NOL4: variants seen among roughly 807,000 people sequenced by gnomAD.
NOL4 encodes the protein nucleolar protein 4.
Under a neutral mutation model 75.9 loss-of-function variants are expected in NOL4, and 17 were observed. The observed-to-expected ratio is 0.22, with a 90% CI of 0.15 to 0.34. The LOEUF is 0.34. Ranked by LOEUF, NOL4 falls within the 10% of genes least tolerant of loss-of-function variation. The probability of loss-of-function intolerance (pLI) is 1.00; values close to 1 mark genes in which losing one functional copy is unlikely to be tolerated. For missense variants in NOL4, 614 were observed against 793.5 expected, an observed-to-expected ratio of 0.77 and a Z score of 2.72; for synonymous variants, 292 against 289.9, an observed-to-expected ratio of 1.01 and a Z score of -0.07.
chr18:34,149,211 T>C (rs1170891089), intron 1 of NOL4, among the ~76,000 whole-genome samples: 1 of 151,630 alleles, frequency 6.6e-6, no homozygotes, highest in East Asian at 1.9e-4. Flanking sequence ...GACATGCTAA[T>C]ATTCATAGTG....
chr18:34,180,582 T>C (rs2033953426), intron 1 of NOL4, among the ~76,000 whole-genome samples: 1 of 151,386 alleles, frequency 6.6e-6, no homozygotes, highest in African/African-American at 2.4e-5. Flanking sequence ...TTCTGTCACT[T>C]CTATTCAACA....
intron 9 of NOL4, among the ~76,000 whole-genome samples, chr18:33,888,168 C>G (rs2064875984): frequency 6.6e-6 from 1 of 152,170 alleles, no homozygotes; most frequent in Non-Finnish European, 1.5e-5. Flanking sequence ...CTCTGATGAC[C>G]AGTGATGGAT....
intron 6 of NOL4, among the ~76,000 whole-genome samples, chr18:33,995,650 T>C (rs977292264): frequency 6.6e-6 from 1 of 151,882 alleles, no homozygotes; most frequent in African/African-American, 2.4e-5. Flanking sequence ...CATCAAAGTA[T>C]TTTCTAACTT....
intron 1 of NOL4, chr18:34,156,489 A>C (rs1276321185): frequency 6.6e-6 from 1 of 152,148 alleles, no homozygotes; most frequent in East Asian, 1.9e-4. Context: ...CATTCAGTTA[A>C]GGTTCTAAAA....
At chr18:34,141,785 T>A (rs1375925107) in intron 1 of NOL4, among the ~76,000 whole-genome samples, 2 of 152,194 alleles carry the variant, frequency 1.3e-5, no homozygotes, top group Non-Finnish European at 2.9e-5. Context: ...AAGGACTTCA[T>A]GTCTAAAACA....
At chr18:33,967,484 T>G (rs1037039165) in intron 6 of NOL4, among the ~76,000 whole-genome samples, 2 of 152,028 alleles carry the variant, frequency 1.3e-5, no homozygotes, top group South Asian at 4.1e-4. Context: ...CCAAATAAAC[T>G]AAAGAGCTTC....
intron 1 of NOL4, among the ~76,000 whole-genome samples, chr18:34,135,595 G>C (rs1051488154): frequency 6.6e-6 from 1 of 150,526 alleles, no homozygotes; most frequent in African/African-American, 2.4e-5. Flanking sequence ...TACTTGGGAG[G>C]CTGAGGCAGG....
chr18:34,115,877 A>C (rs12959686), intron 2 of NOL4, among the ~76,000 whole-genome samples: 33,493 of 151,990 alleles, frequency 0.22, 3,892 homozygotes, highest in Middle Eastern at 0.28. Context: ...CCATTTCAGA[A>C]TTATCTACGG....
intron 1 of NOL4, chr18:34,222,198 T>G: frequency 6.9e-7 from 1 of 1,451,722 alleles, no homozygotes; most frequent in South Asian, 1.4e-5. Flanking sequence ...GCGCCTGGGC[T>G]AGAGCTTTGT....
At chr18:34,086,776 G>A (rs896630722) in intron 5 of NOL4, among the ~76,000 whole-genome samples, 6 of 152,040 alleles carry the variant, frequency 3.9e-5, no homozygotes, top group African/African-American at 1.4e-4. Context: ...GTGTTCTAAA[G>A]TCCAGTGTGT....
At chr18:34,040,639 G>C (rs2076100608) in intron 5 of NOL4, among the ~76,000 whole-genome samples, 1 of 151,948 alleles carries the variant, frequency 6.6e-6, no homozygotes, top group Non-Finnish European at 1.5e-5. Context: ...GAGATAGTGT[G>C]TTAAGCCATA....
chr18:33,866,689 G>A (rs1167681006), intron 10 of NOL4, among the ~76,000 whole-genome samples: 1 of 152,104 alleles, frequency 6.6e-6, no homozygotes, highest in Non-Finnish European at 1.5e-5. Context: ...AGCAGTTTTA[G>A]AAATTTGTAA....
At chr18:34,110,369 G>C (rs1043493901) in intron 2 of NOL4, among the ~76,000 whole-genome samples, 4 of 151,986 alleles carry the variant, frequency 2.6e-5, no homozygotes, top group African/African-American at 9.7e-5. Context: ...AGGATGCAAG[G>C]ATGTTTCAAC....
At chr18:34,155,991 G>C (rs1227614328) in intron 1 of NOL4, among the ~76,000 whole-genome samples, 2 of 152,220 alleles carry the variant, frequency 1.3e-5, no homozygotes, top group African/African-American at 2.4e-5. Flanking sequence ...CCTATAGAAG[G>C]GTTTCCCCAA....
chr18:34,089,263 T>G (rs2078391400), intron 5 of NOL4, among the ~76,000 whole-genome samples: 1 of 152,080 alleles, frequency 6.6e-6, no homozygotes, highest in Non-Finnish European at 1.5e-5. Context: ...CTTAATCACT[T>G]AATGTTAAAA....
chr18:34,196,506 G>A (rs181771588), intron 1 of NOL4, among the ~76,000 whole-genome samples: 1 of 152,256 alleles, frequency 6.6e-6, no homozygotes, highest in East Asian at 1.9e-4. Context: ...TCTAAGTGAA[G>A]TTGACATTAC....
intron 5 of NOL4, among the ~76,000 whole-genome samples, chr18:34,042,083 A>G (rs2076166445): frequency 6.6e-6 from 1 of 152,002 alleles, no homozygotes; most frequent in Admixed American, 6.6e-5. Context: ...ATAAATACAA[A>G]GTTCTGAATA....
chr18:33,976,344 G>T (rs1285038461), intron 6 of NOL4, among the ~76,000 whole-genome samples: 2 of 151,964 alleles, frequency 1.3e-5, no homozygotes, highest in African/African-American at 4.8e-5. Flanking sequence ...TTTATTTGAA[G>T]CTATTACATA....
At chr18:34,006,745 A>G (rs1333228120) in intron 6 of NOL4, among the ~76,000 whole-genome samples, 1 of 152,024 alleles carries the variant, frequency 6.6e-6, no homozygotes, top group Non-Finnish European at 1.5e-5. Flanking sequence ...TGGTCTTACT[A>G]TGTTCCCTAC....
Sources: gnomAD v4.1 joint callset for allele counts (sites outside exome capture counted in the v4.1 genomes callset) on GRCh38, gnomAD v4.1.1 for gene constraint, MANE v1.5 for transcripts, NCBI Gene and HGNC (gene_info 2026-07-23, HGNC 2026-07-21) for gene names.